Variants in BMPR1A observed in about 807,000 individuals in gnomAD.
BMPR1A encodes bone morphogenetic protein receptor type 1A.
BMPR1A carries 7 observed loss-of-function variants against 66.0 expected under a neutral mutation model. That is an observed-to-expected ratio of 0.11 (90% CI 0.06 to 0.20). The LOEUF is 0.20. Among genes scored for constraint, BMPR1A ranks in the 10% least tolerant of loss-of-function variants. The probability of loss-of-function intolerance (pLI) is 1.00; values close to 1 mark genes in which losing one functional copy is unlikely to be tolerated. For missense variants in BMPR1A, 408 were observed against 669.1 expected (o/e 0.61, Z 4.31); for synonymous variants, 200 against 229.7 (o/e 0.87, Z 1.17).
At chr10:86,773,597 G>GAAAA (rs71019429) in intron 1 of BMPR1A, among the ~76,000 whole-genome samples, 368 of 99,542 alleles carry the variant, frequency 3.7e-3, no homozygotes, top group Middle Eastern at 5.6e-3. Context: ...GTCTCAGAAA[G>GAAAA]AAAAAAAAAA....
At chr10:86,799,259 G>A (rs1420748408) in intron 1 of BMPR1A, among the ~76,000 whole-genome samples, 1 of 152,074 alleles carries the variant, frequency 6.6e-6, no homozygotes, top group Non-Finnish European at 1.5e-5. Flanking sequence ...TGAATGCCGA[G>A]AAAGAAAAAC....
chr10:86,804,115 A>G (rs1304355157), intron 1 of BMPR1A, among the ~76,000 whole-genome samples: 1 of 152,116 alleles, frequency 6.6e-6, no homozygotes, highest in Non-Finnish European at 1.5e-5. Context: ...AATAATTTTC[A>G]GTTTATTCTC....
At chr10:86,853,671 G>A (rs1282419336) in intron 2 of BMPR1A, among the ~76,000 whole-genome samples, 1 of 152,156 alleles carries the variant, frequency 6.6e-6, no homozygotes, top group Admixed American at 6.5e-5. Context: ...GCGTCCGGGG[G>A]AGACATCACA....
intron 2 of BMPR1A, among the ~76,000 whole-genome samples, chr10:86,874,036 A>G (rs1387220952): frequency 6.6e-6 from 1 of 152,224 alleles, no homozygotes; most frequent in African/African-American, 2.4e-5. Context: ...TAGAAAGCTC[A>G]GGTTATTAAT....
chr10:86,879,468 CGTG>C (rs1382865748), intron 3 of BMPR1A, among the ~76,000 whole-genome samples: 1 of 152,180 alleles, frequency 6.6e-6, no homozygotes, highest in Non-Finnish European at 1.5e-5. Context: ...CCCTGAATCA[CGTG>C]GAGGAGGGGC....
chr10:86,863,557 TTGCTTGAGTGGCTCATCGA>T (rs1403361727), intron 2 of BMPR1A, among the ~76,000 whole-genome samples: 8 of 152,166 alleles, frequency 5.3e-5, no homozygotes, highest in African/African-American at 1.9e-4. Flanking sequence ...TCAGACAAGG[TTGCTTGAGTGGCTCATCGA>T]TGTCTCCCGG....
At chr10:86,844,248 A>G (rs565401361) in intron 2 of BMPR1A, among the ~76,000 whole-genome samples, 2 of 152,348 alleles carry the variant, frequency 1.3e-5, no homozygotes, top group African/African-American at 4.8e-5. Context: ...TTACAAAAGC[A>G]GTTTTTAAGG....
Position 86,875,913 on chromosome 10 carries a change from C to G in BMPR1A, c.-106C>G, listed in dbSNP as rs531097871. 2.1e-6 allele frequency: 2 copies of G among 965,220 alleles called. No individual in the cohort carries two copies. Among genetic ancestry groups the G allele is most frequent in the Admixed American group, 1.8e-5 (1 of 56,888 alleles). The allele number at this position is 965,220 out of a possible 1,614,324, so 59.8% of individuals were successfully genotyped here. A position where few individuals can be genotyped will look rare whatever the true frequency, so the allele number is the denominator to read the frequency against. ...AGTTGAAGTCATTGTCAAGTGCTTG[C>G]GATCTTTTACAAGAAAATCTCACTG... On this transcript the variant is annotated 5_prime_UTR_variant, in exon 3 of 13. Transcript: ENST00000372037.
rs1469605794 is a variant in BMPR1A, at chr10:86,900,015, T to A, written c.431-12T>A. The A allele has an allele frequency of 6.2e-7, 1 of 1,614,142 alleles. No homozygotes were observed. The highest frequency in any genetic ancestry group is 8.5e-7 in the Non-Finnish European group (1 of 1,179,976). ...CATTTCAATTGTTTACATTGTTTAC[T>A]TTTATTGTCAGGTCCGTTTTTTGAT... On this transcript the variant is annotated splice_polypyrimidine_tract_variant and intron_variant, in intron 6 of 12. Transcript: ENST00000372037.
intron 7 of BMPR1A, among the ~76,000 whole-genome samples, chr10:86,901,453 T>C (rs1314050084): frequency 6.6e-6 from 1 of 152,252 alleles, no homozygotes; most frequent in Non-Finnish European, 1.5e-5. Context: ...ATAACCACAA[T>C]GGCCAGTTCC....
chr10:86,862,890 G>A (rs773120858), intron 2 of BMPR1A, among the ~76,000 whole-genome samples: 63 of 152,172 alleles, frequency 4.1e-4, no homozygotes, highest in Non-Finnish European at 7.4e-4. Flanking sequence ...GCAAATTTGG[G>A]AGGGAAGAGG....
intron 1 of BMPR1A, among the ~76,000 whole-genome samples, chr10:86,764,731 C>T (rs533898717): frequency 6.6e-6 from 1 of 152,260 alleles, no homozygotes; most frequent in African/African-American, 2.4e-5. Flanking sequence ...ATCCTTAGAC[C>T]TCTACTGTCC....
intron 1 of BMPR1A, among the ~76,000 whole-genome samples, chr10:86,773,549 C>T (rs1841298511): frequency 6.8e-6 from 1 of 146,732 alleles, no homozygotes; most frequent in Non-Finnish European, 1.5e-5. Context: ...GCCGAGATCA[C>T]GCCACTGCAT....
chr10:86,871,119 C>T (rs1274072997), intron 2 of BMPR1A, among the ~76,000 whole-genome samples: 3 of 152,120 alleles, frequency 2.0e-5, no homozygotes, highest in South Asian at 2.1e-4. Context: ...TAGAACTTCC[C>T]GTCTTTCTTT....
intron 10 of BMPR1A, among the ~76,000 whole-genome samples, chr10:86,920,850 T>C (rs777298565): frequency 1.4e-5 from 2 of 145,770 alleles, no homozygotes; most frequent in Non-Finnish European, 3.0e-5. Flanking sequence ...TTTTTCCTTT[T>C]CTTTTCTTTT....
chr10:86,783,729 C>T (rs1334435629), intron 1 of BMPR1A, among the ~76,000 whole-genome samples: 3 of 152,220 alleles, frequency 2.0e-5, no homozygotes, highest in Non-Finnish European at 2.9e-5. Context: ...GCTGGGACTA[C>T]AGGCCTGCAT....
At chr10:86,885,732 G>A (rs1323804292) in intron 3 of BMPR1A, among the ~76,000 whole-genome samples, 2 of 152,188 alleles carry the variant, frequency 1.3e-5, no homozygotes, top group South Asian at 2.1e-4. Flanking sequence ...TATCTCATAT[G>A]TATAGTGCAT....
At chr10:86,914,155 T>C (rs982065963) in intron 8 of BMPR1A, among the ~76,000 whole-genome samples, 5 of 151,724 alleles carry the variant, frequency 3.3e-5, no homozygotes, top group Admixed American at 6.6e-5. Context: ...AGTAATTCAA[T>C]TGGAAAAAGG....
intron 2 of BMPR1A, among the ~76,000 whole-genome samples, chr10:86,846,012 A>T (rs1057266198): frequency 1.2e-4 from 18 of 151,174 alleles, no homozygotes; most frequent in African/African-American, 4.4e-4. Flanking sequence ...AAAAAAAATT[A>T]TATATATATA....
Sources: allele counts gnomAD v4.1 joint callset (sites outside exome capture counted in the v4.1 genomes callset), GRCh38; gene constraint gnomAD v4.1.1; transcripts MANE v1.5; gene names NCBI Gene and HGNC (gene_info 2026-07-23, HGNC 2026-07-21).